MAPKAPK3: variants seen among roughly 807,000 people sequenced by gnomAD.
MAPKAPK3 encodes MAP kinase-activated protein kinase 3.
MAPKAPK3 carries 35 observed loss-of-function variants against 49.2 expected under a neutral mutation model. The observed-to-expected ratio is 0.71, with a 90% CI of 0.54 to 0.94. The LOEUF is 0.94. Ranked by LOEUF, MAPKAPK3 falls within the 40% of genes least tolerant of loss-of-function variation. MAPKAPK3 has a pLI of 0.00. For synonymous variants in MAPKAPK3, 178 were observed against 188.7 expected (o/e 0.94, Z 0.46); for missense variants, 398 against 493.1 (o/e 0.81, Z 1.83).
Position 50,617,636 on chromosome 3 carries a change from T to A in MAPKAPK3, c.71T>A (p.Leu24Ter). 2 of 1,609,124 alleles carry A rather than the reference T, an allele frequency of 1.2e-6. No homozygotes were observed. Among genetic ancestry groups the A allele is most frequent in the Non-Finnish European group, 1.7e-6 (2 of 1,176,664 alleles). ...PPPVAPGGPG[L>*]GGAPGGRREP... Reference sequence around the variant, plus strand: ...CCAGTTGCACCCGGCGGACCCGGCTTGGGCGGTGCTCCGGGGGGGCGGCGG... The same window carrying A: ...CCAGTTGCACCCGGCGGACCCGGCTAGGGCGGTGCTCCGGGGGGGCGGCGG... The change falls in exon 2 of 11, where the codon TTG becomes TAG. Residue 24 changes from leucine (L) to a stop codon, truncating the protein, a stop_gained. Transcript: ENST00000621469. LOFTEE classifies it high-confidence loss of function.
intron 5 of MAPKAPK3, among the ~76,000 whole-genome samples, chr3:50,643,410 A>ACAAG (rs912285588): frequency 6.6e-6 from 1 of 152,114 alleles, no homozygotes; most frequent in African/African-American, 2.4e-5. Flanking sequence ...GCATGTGCAC[A>ACAAG]CAAGCATGTG....
intron 2 of MAPKAPK3, among the ~76,000 whole-genome samples, chr3:50,635,406 C>CTTTTTTTTTTT (rs386396609): frequency 1.0e-4 from 5 of 48,624 alleles, no homozygotes; most frequent in Non-Finnish European, 1.3e-4. Context: ...TCAATTTAAT[C>CTTTTTTTTTTT]TTTTTTTTTT....
At position 50,648,681 on chromosome 3, in the gene MAPKAPK3, C is replaced by G. The variant is rs1209100309; in HGVS notation, c.*635C>G. 6.6e-6 allele frequency: 1 copy of G among 152,618 alleles called. No individual in the cohort carries two copies. The highest frequency in any genetic ancestry group is 1.5e-5 in the Non-Finnish European group (1 of 68,344). 9.5% of individuals were successfully genotyped at this position (152,618 alleles called of 1,614,324 possible). ...CAGCCCTGCCTTGCTGCAGCCCCAGCCCAGATGGCACTCAGCGCTCTCCCC... is the reference window on the plus strand; with the variant it reads ...CAGCCCTGCCTTGCTGCAGCCCCAGGCCAGATGGCACTCAGCGCTCTCCCC... On this transcript the variant is annotated 3_prime_UTR_variant, in exon 11 of 11. Transcript: ENST00000621469.
chr3:50,630,256 A>G (rs563239560), intron 2 of MAPKAPK3, among the ~76,000 whole-genome samples: 3 of 152,342 alleles, frequency 2.0e-5, no homozygotes, highest in Admixed American at 1.3e-4. Context: ...TGACTCATCC[A>G]TAGACCCCTA....
At chr3:50,626,076 C>T (rs1050367635) in intron 2 of MAPKAPK3, among the ~76,000 whole-genome samples, 5 of 41,020 alleles carry the variant, frequency 1.2e-4, no homozygotes, top group African/African-American at 1.7e-4. Context: ...GGAGGTCCCC[C>T]GCCACCCCCC....
At chr3:50,635,520 T>G (rs772861519) in intron 2 of MAPKAPK3, among the ~76,000 whole-genome samples, 9 of 141,020 alleles carry the variant, frequency 6.4e-5, no homozygotes, top group Non-Finnish European at 1.2e-4. Context: ...TGGGTTCAAG[T>G]GATTCTTCTG....
intron 9 of MAPKAPK3, 118 bp downstream of exon 9, chr3:50,646,943 A>T: frequency 9.2e-7 from 1 of 1,087,282 alleles, no homozygotes; most frequent in Non-Finnish European, 1.4e-6. Context: ...GCCCATGCAC[A>T]CAGGTAGATA....
chr3:50,637,289 C>T (rs559253060), intron 2 of MAPKAPK3, among the ~76,000 whole-genome samples: 1 of 152,308 alleles, frequency 6.6e-6, no homozygotes, highest in South Asian at 2.1e-4. Context: ...TGAACTTGAC[C>T]TGCCTCTGCC....
chr3:50,617,855 G>A lies in MAPKAPK3; in HGVS notation c.219+71G>A. The A allele has an allele frequency of 5.7e-6, 7 of 1,222,502 alleles. 1 individual carries two copies. The South Asian group carries it at 6.2e-5, about 11-fold the overall frequency. The allele number at this position is 1,222,502 out of a possible 1,614,324, so 75.7% of individuals were successfully genotyped here. On this transcript the variant is annotated intron_variant, in intron 2 of 10. Transcript: ENST00000621469. ...AGCGGAAGCCTGTGAGTGAAGCTAT[G>A]TCTAGCGCCCCTGCTAAGCTTCCTA...
intron 2 of MAPKAPK3, among the ~76,000 whole-genome samples, chr3:50,637,701 GA>G (rs2033075800): frequency 9.7e-5 from 1 of 10,352 alleles, no homozygotes; most frequent in Non-Finnish European, 7.4e-4. Context: ...GAAAGAGAGA[GA>G]GAGAGAGAGA....
At chr3:50,619,613 T>TG (rs1477332711) in intron 2 of MAPKAPK3, among the ~76,000 whole-genome samples, 1 of 152,088 alleles carries the variant, frequency 6.6e-6, no homozygotes, top group African/African-American at 2.4e-5. Context: ...GGTGAGGGAT[T>TG]GAGGCCAGAG....
intron 3 of MAPKAPK3, among the ~76,000 whole-genome samples, chr3:50,640,782 T>C (rs1411468710): frequency 6.6e-6 from 1 of 152,214 alleles, no homozygotes; most frequent in Non-Finnish European, 1.5e-5. Context: ...GGAAGAGCTG[T>C]CAGAGAAGGC....
In MAPKAPK3 at chr3:50,646,831, C is replaced by T. The variant is rs1206611232; in HGVS notation, c.915+6C>T. On this transcript the variant is annotated splice_donor_region_variant and intron_variant, in intron 9 of 10. Coordinates refer to ENST00000621469, the MANE Select transcript of MAPKAPK3 (RefSeq NM_001243925.2). ...TGAACCACCCCTGGATCAACGTGAGCCCCTCCTCCTCCCATGGCAGGCAGG... is the reference window on the plus strand; with the variant it reads ...TGAACCACCCCTGGATCAACGTGAGTCCCTCCTCCTCCCATGGCAGGCAGG... 6.2e-7 allele frequency: 1 copy of T among 1,613,590 alleles called. No homozygotes were observed. Among genetic ancestry groups the T allele is most frequent in the Admixed American group, 1.7e-5 (1 of 60,016 alleles).
At chr3:50,611,686 C>T (rs781167277), upstream of MAPKAPK3, 1 of 1,462,916 alleles carries the variant, frequency 6.8e-7, no homozygotes, top group Non-Finnish European at 9.0e-7. Context: ...AGTGGGGACT[C>T]GGCTGGACGG....
rs1183014116 is a variant in MAPKAPK3, at chr3:50,634,557, C to T, written c.220-5809C>T. On this transcript the variant is annotated intron_variant, in intron 2 of 10. Transcript: ENST00000621469. Reference sequence around the variant, plus strand: ...AGGCTGGAGTGCAATGATGCGATCTCGGCTCACTGCAACCTCCACTTCCCG... The same window carrying T: ...AGGCTGGAGTGCAATGATGCGATCTTGGCTCACTGCAACCTCCACTTCCCG... Among the ~76,000 whole-genome samples the T allele has an allele frequency of 4.0e-5, 6 of 151,718 alleles. No homozygotes were observed. The East Asian group carries it at 7.8e-4, about 20-fold the overall frequency.
intron 2 of MAPKAPK3, among the ~76,000 whole-genome samples, chr3:50,637,614 A>G (rs1336219228): frequency 1.3e-5 from 2 of 150,516 alleles, no homozygotes; most frequent in African/African-American, 4.9e-5. Context: ...CCTGGGTGAC[A>G]GAGCAAGACT....
At chr3:50,623,782 C>T (rs181270987) in intron 2 of MAPKAPK3, among the ~76,000 whole-genome samples, 22 of 152,328 alleles carry the variant, frequency 1.4e-4, no homozygotes, top group African/African-American at 5.3e-4. Context: ...TCATCTCACT[C>T]CTCATGCAAG....
chr3:50,637,172 T>TC (rs2033061330), intron 2 of MAPKAPK3, among the ~76,000 whole-genome samples: 1 of 151,966 alleles, frequency 6.6e-6, no homozygotes, highest in African/African-American at 2.4e-5. Context: ...CCTCCTTCTT[T>TC]CCCTCTGGCT....
chr3:50,646,183 A>G lies in MAPKAPK3; in HGVS notation c.748A>G (p.Ile250Val), dbSNP rs1241745111. The G allele has an allele frequency of 1.2e-6, 2 of 1,613,860 alleles. No individual in the cohort carries two copies. The highest frequency in any genetic ancestry group is 4.5e-5 in the East Asian group (2 of 44,878). The change falls in exon 8 of 11, where the codon ATC becomes GTC. Residue 250 changes from isoleucine to valine, a missense_variant. Physicochemically the swap from Ile to Val is conservative, Grantham distance 29. This residue lies in a region of MAPKAPK3 where 152 missense variants were observed against 177.3 expected (regional missense o/e 0.86). Transcript: ENST00000621469. ...CTTCTACTCCAACACGGGCCAGGCC[A>G]TCTCCCCGGGGATGAAGAGGAGGAT... is the stretch of plus-strand genomic sequence containing the variant. ...PPFYSNTGQA[I>V]SPGMKRRIRL...
Sources: allele counts gnomAD v4.1 joint callset (sites outside exome capture counted in the v4.1 genomes callset), GRCh38; gene constraint gnomAD v4.1.1; regional missense constraint gnomAD v4.1.1; transcripts MANE v1.5; gene names NCBI Gene and HGNC (gene_info 2026-07-23, HGNC 2026-07-21).